The following ZNF507 variants were observed in gnomAD, a reference collection of about 807,000 sequenced individuals.
ZNF507 encodes the protein zinc finger protein 507.
A neutral mutation model predicts 80.0 loss-of-function variants in ZNF507; 29 were observed. That is an observed-to-expected ratio of 0.36 (90% CI 0.27 to 0.49). The LOEUF is 0.49. ZNF507 is among the 20% of genes least tolerant of loss of function. ZNF507 has a pLI of 0.98. For synonymous variants in ZNF507, 462 were observed against 422.5 expected (o/e 1.09, Z -1.15); for missense variants, 1,081 against 1,152.2 (o/e 0.94, Z 0.90).
At chr19:32,362,868 A>G (rs887869787) in intron 5 of ZNF507, among the ~76,000 whole-genome samples, 1 of 151,792 alleles carries the variant, frequency 6.6e-6, no homozygotes, top group South Asian at 2.1e-4. Flanking sequence ...GTTTTGTCAT[A>G]TCTCCCTCTT....
At chr19:32,348,210 T>C (rs574255822) in intron 2 of ZNF507, among the ~76,000 whole-genome samples, 4 of 152,302 alleles carry the variant, frequency 2.6e-5, no homozygotes, top group East Asian at 1.9e-4. Context: ...TCCCCTGCCT[T>C]CTTTTGGCTG....
chr19:32,380,371 A>G (rs1291060533), intron 5 of ZNF507, among the ~76,000 whole-genome samples: 2 of 151,756 alleles, frequency 1.3e-5, no homozygotes, highest in East Asian at 1.9e-4. Context: ...AAAAAGAACT[A>G]ACTGCCTGTT....
At chr19:32,363,585 G>A (rs1393563688) in intron 5 of ZNF507, among the ~76,000 whole-genome samples, 1 of 152,142 alleles carries the variant, frequency 6.6e-6, no homozygotes, top group Non-Finnish European at 1.5e-5. Flanking sequence ...TCACCTCTCT[G>A]TGCTGCTTTT....
chr19:32,373,855 AC>A (rs1329230393), intron 5 of ZNF507, among the ~76,000 whole-genome samples: 1 of 152,132 alleles, frequency 6.6e-6, no homozygotes, highest in Non-Finnish European at 1.5e-5. Context: ...TTTTCGTAAC[AC>A]GTCCTGCAGG....
chr19:32,352,461 A>G (rs187114198), intron 2 of ZNF507, among the ~76,000 whole-genome samples: 2 of 136,216 alleles, frequency 1.5e-5, no homozygotes, highest in East Asian at 2.2e-4. Context: ...TCCTTTAATC[A>G]AGGAATAGGA....
intron 5 of ZNF507, among the ~76,000 whole-genome samples, chr19:32,362,467 TC>T (rs1234347048): frequency 6.6e-6 from 1 of 152,212 alleles, no homozygotes; most frequent in African/African-American, 2.4e-5. Flanking sequence ...CGTGCTAGAT[TC>T]TTGGACTACA....
chr19:32,366,075 A>G (rs1012483799), intron 5 of ZNF507, among the ~76,000 whole-genome samples: 1 of 152,172 alleles, frequency 6.6e-6, no homozygotes, highest in African/African-American at 2.4e-5. Flanking sequence ...ACCCAGTCCA[A>G]AAATACCCAT....
intron 2 of ZNF507, among the ~76,000 whole-genome samples, chr19:32,349,316 G>C (rs1967133257): frequency 6.6e-6 from 1 of 152,224 alleles, no homozygotes; most frequent in African/African-American, 2.4e-5. Flanking sequence ...AGAATGGAAA[G>C]GAGGATACAG....
chr19:32,352,500 C>A, intron 2 of ZNF507, among the ~76,000 whole-genome samples: 2 of 145,310 alleles, frequency 1.4e-5, no homozygotes, highest in South Asian at 2.2e-4. Context: ...TGGCATTGTG[C>A]AAAAGGGAGG....
Position 32,354,902 on chromosome 19 carries a change from A to C in ZNF507, c.2072A>C (p.His691Pro). 6.2e-7 allele frequency: 1 copy of C among 1,614,102 alleles called. No individual in the cohort carries two copies. The highest frequency in any genetic ancestry group is 8.5e-7 in the Non-Finnish European group (1 of 1,180,004). Residue 691 changes from histidine (H) to proline (P), a missense_variant, in exon 3 of 7, where the codon CAC becomes CCC. By Grantham distance (77) the His-to-Pro change is moderately conservative (BLOSUM62 -2). This residue lies in a region of ZNF507 where 614 missense variants were observed against 583.9 expected (regional missense o/e 1.05). Coordinates refer to ENST00000355898, the MANE Select transcript of ZNF507 (RefSeq NM_001136156.2). ...GATTTGGAGAGTCACATGATCCACCACTGTAAGACAAGAATATACCAGTGC... is the reference window on the plus strand; with the variant it reads ...GATTTGGAGAGTCACATGATCCACCCCTGTAAGACAAGAATATACCAGTGC... Reference protein sequence around the residue: ...SKDLESHMIHHCKTRIYQCKQ... With the variant: ...SKDLESHMIHPCKTRIYQCKQ...
At chr19:32,352,568 A>T (rs1366342997) in intron 2 of ZNF507, among the ~76,000 whole-genome samples, 4 of 152,138 alleles carry the variant, frequency 2.6e-5, no homozygotes, top group Non-Finnish European at 5.9e-5. Flanking sequence ...AAATGGAGAA[A>T]AAGATCATCA....
At chr19:32,375,356 G>T (rs770694333) in intron 5 of ZNF507, among the ~76,000 whole-genome samples, 12 of 152,176 alleles carry the variant, frequency 7.9e-5, no homozygotes, top group Non-Finnish European at 1.8e-4. Context: ...CAGAGGCCAA[G>T]AAACTCTTCT....
intron 5 of ZNF507, among the ~76,000 whole-genome samples, chr19:32,362,724 G>A (rs925054472): frequency 2.6e-5 from 4 of 152,274 alleles, no homozygotes; most frequent in Non-Finnish European, 2.9e-5. Flanking sequence ...TTGTCCTAGG[G>A]TCTTCCTACC....
chr19:32,364,980 T>G (rs1455065381), intron 5 of ZNF507, among the ~76,000 whole-genome samples: 2 of 152,226 alleles, frequency 1.3e-5, no homozygotes, highest in Non-Finnish European at 2.9e-5. Context: ...CATCTACTGT[T>G]TATTGATTCT....
chr19:32,380,040 T>C (rs1224693656), intron 5 of ZNF507, among the ~76,000 whole-genome samples: 1 of 152,196 alleles, frequency 6.6e-6, no homozygotes, highest in Non-Finnish European at 1.5e-5. Context: ...TTTCCATTTT[T>C]CCACATCTGT....
At position 32,384,183 on chromosome 19, in the gene ZNF507, T is replaced by TA. The variant is rs1484962670; in HGVS notation, c.*1105dup. 1 of 152,188 alleles carries TA rather than the reference T, an allele frequency of 6.6e-6. No homozygotes were observed. Among genetic ancestry groups the TA allele is most frequent in the African/African-American group, 2.4e-5 (1 of 41,442 alleles). 9.4% of individuals were successfully genotyped at this position (152,188 alleles called of 1,614,324 possible). ...ATATAGCAGAAATTCAGGTTGTTTG[T>TA]AAAAATTTTAATAACAAATAGCATT... On this transcript the variant is annotated 3_prime_UTR_variant, in exon 7 of 7. Coordinates refer to ENST00000355898, the MANE Select transcript of ZNF507 (RefSeq NM_001136156.2).
At chr19:32,363,992 G>A (rs1025379934) in intron 5 of ZNF507, among the ~76,000 whole-genome samples, 1 of 152,158 alleles carries the variant, frequency 6.6e-6, no homozygotes, top group African/African-American at 2.4e-5. Flanking sequence ...GCCATACTAA[G>A]CCTCTTTTCC....
At position 32,354,694 on chromosome 19, in the gene ZNF507, G is replaced by A. The variant is rs117938843; in HGVS notation, c.1864G>A (p.Asp622Asn). The change falls in exon 3 of 7, where the codon GAT becomes AAT. Residue 622 changes from aspartate to asparagine, a missense_variant. This residue lies in a region of ZNF507 where 614 missense variants were observed against 583.9 expected (regional missense o/e 1.05). Coordinates refer to ENST00000355898, the MANE Select transcript of ZNF507 (RefSeq NM_001136156.2). ...CAACGCCCAGTGCCAACCCAACAGC[G>A]ATACAAGTTTGTCCGGAAACAATGT... ...QDNAQCQPNS[D>N]TSLSGNNVVE... 20,493 of 1,614,146 alleles carry A rather than the reference G, an allele frequency of 0.013. 187 individuals carry two copies. Among genetic ancestry groups the A allele is most frequent in the Non-Finnish European group, 0.014 (16,487 of 1,180,026 alleles).
chr19:32,349,865 T>C lies in ZNF507; in HGVS notation c.-3+2527T>C, dbSNP rs115977535. Among the ~76,000 whole-genome samples the C allele has an allele frequency of 3.2e-3, 482 of 152,360 alleles. 5 individuals carry two copies. Among genetic ancestry groups the C allele is most frequent in the African/African-American group, 0.011 (471 of 41,576 alleles). ...TCATCATGCAACTTCAATTACAGAA[T>C]TAGTCATTCTTTCTTTATTCTCATC... On this transcript the variant is annotated intron_variant, in intron 2 of 6. Coordinates refer to ENST00000355898, the MANE Select transcript of ZNF507 (RefSeq NM_001136156.2).
Sources: allele counts gnomAD v4.1 joint callset (sites outside exome capture counted in the v4.1 genomes callset), GRCh38; gene constraint gnomAD v4.1.1; regional missense constraint gnomAD v4.1.1; transcripts MANE v1.5; gene names NCBI Gene and HGNC (gene_info 2026-07-23, HGNC 2026-07-21).